Variants in SPINT1 observed in about 807,000 individuals in gnomAD.
SPINT1 encodes the protein kunitz-type protease inhibitor 1.
SPINT1 carries 38 observed loss-of-function variants against 53.7 expected under a neutral mutation model. That is an observed-to-expected ratio of 0.71 (90% CI 0.55 to 0.93). The LOEUF is 0.93. SPINT1 is among the 40% of genes least tolerant of loss of function. The probability of loss-of-function intolerance (pLI) is 0.00; values close to 1 mark genes in which losing one functional copy is unlikely to be tolerated. For missense variants in SPINT1, 645 were observed against 692.9 expected, an observed-to-expected ratio of 0.93 and a Z score of 0.78; for synonymous variants, 283 against 280.6, an observed-to-expected ratio of 1.01 and a Z score of -0.08.
chr15:40,844,487 C>A lies in SPINT1; in HGVS notation c.-65-3C>A. 1 of 1,483,772 alleles carries A rather than the reference C, an allele frequency of 6.7e-7. No individual in the cohort carries two copies. The highest frequency in any genetic ancestry group is 1.1e-5 in the South Asian group (1 of 88,250). The allele number at this position is 1,483,772 out of a possible 1,614,324, so 91.9% of individuals were successfully genotyped here. A position where few individuals can be genotyped will look rare whatever the true frequency, so the allele number is the denominator to read the frequency against. ...CCTCCTCTGTCCCCTCCCTTCTTCT[C>A]AGGTCACCAGCACCCTCGGAACCCA... On this transcript the variant is annotated splice_region_variant and splice_polypyrimidine_tract_variant and intron_variant, in intron 1 of 10. Transcript: ENST00000562057. This position sits in a 1 kb window ranked among gnomAD's most constrained non-coding sequence, Gnocchi z 5.8.
chr15:40,855,996 T>A lies in SPINT1; in HGVS notation c.1222T>A (p.Cys408Ser). 2 of 1,614,210 alleles carry A rather than the reference T, an allele frequency of 1.2e-6. No individual in the cohort carries two copies. The highest frequency in any genetic ancestry group is 1.7e-6 in the Non-Finnish European group (2 of 1,180,040). The part of the protein sequence containing the change: ...EHCARFTYGG[C>S]YGNKNNFEEE... Reference sequence around the variant, plus strand: ...CTGCGCCCGCTTTACCTATGGTGGTTGTTACGGCAACAAGAACAACTTTGA... The same window carrying A: ...CTGCGCCCGCTTTACCTATGGTGGTAGTTACGGCAACAAGAACAACTTTGA... The change falls in exon 9 of 11, where the codon TGT (cysteine) becomes AGT (serine). Residue 408 changes from cysteine (C) to serine (S), a missense_variant. Transcript: ENST00000562057.
At position 40,854,397 on chromosome 15, in the gene SPINT1, T is replaced by C; in HGVS notation, c.941T>C (p.Val314Ala). ...CCTGACCTCCCTTCCACCCGTCCAG[T>C]GTGCTCTGGCACCTGTCAGCCCACC... ...QGPSMERRHP[V>A]CSGTCQPTQF... The change falls in exon 7 of 11, where the codon GTG (valine) becomes GCG (alanine). Residue 314 changes from valine (V) to alanine (A), a missense_variant and splice_region_variant. Val to Ala is a moderately conservative substitution (Grantham distance 64). Transcript: ENST00000562057. 6.3e-7 allele frequency: 1 copy of C among 1,579,046 alleles called. No individual in the cohort carries two copies. Among genetic ancestry groups the C allele is most frequent in the East Asian group, 2.2e-5 (1 of 44,576 alleles).
At position 40,854,197 on chromosome 15, in the gene SPINT1, T is replaced by A. The variant is rs77221247; in HGVS notation, c.940+111T>A. 6.7e-3 allele frequency: 9,379 copies of A among 1,396,060 alleles called. 564 individuals carry two copies. The African/African-American group carries it at 0.12, about 18-fold the overall frequency. 86.5% of individuals were successfully genotyped at this position (1,396,060 alleles called of 1,614,324 possible). ...ACCAAGCCATTCCTCCCCTCAGAGT[T>A]TGTGGAAGGACCACAAACATCCCAC... On this transcript the variant is annotated intron_variant, in intron 6 of 10. Transcript: ENST00000562057.
chr15:40,854,558 AC>A, intron 7 of SPINT1, 36 bp downstream of exon 7: 1 of 1,613,648 alleles, frequency 6.2e-7, no homozygotes, highest in Non-Finnish European at 8.5e-7. Context: ...TGGGCAGCAG[AC>A]AGGGAGGTCC....
In SPINT1 at chr15:40,854,541, AG is replaced by A; in HGVS notation, c.1066+24del. 1 of 1,613,592 alleles carries A rather than the reference AG, an allele frequency of 6.2e-7. No homozygotes were observed. Among genetic ancestry groups the A allele is most frequent in the Non-Finnish European group, 8.5e-7 (1 of 1,179,746 alleles). ...GAAAAATGTGAGGCCTGGGGGATAG[AG>A]GGGGTTGGGCAGCAGACAGGGAGGT... On this transcript the variant is annotated intron_variant, in intron 7 of 10. Transcript: ENST00000562057.
chr15:40,844,594 C>T lies in SPINT1; in HGVS notation c.40C>T (p.Pro14Ser), dbSNP rs1016377118. 1.2e-6 allele frequency: 2 copies of T among 1,609,894 alleles called. No homozygotes were observed. The highest frequency in any genetic ancestry group is 3.3e-5 in the Admixed American group (2 of 59,918). ...GACGATGGCCCGCGCCCGCCTCGCC[C>T]CGGCCGGCATCCCTGCCGTCGCCTT... ...ARTMARARLA[P>S]AGIPAVALWL... Residue 14 changes from proline to serine, a missense_variant, in exon 2 of 11, where the codon CCG becomes TCG. Pro to Ser is a moderately conservative substitution (Grantham distance 74). Coordinates refer to ENST00000562057, the MANE Select transcript of SPINT1 (RefSeq NM_003710.4). This position sits in a 1 kb window ranked among gnomAD's most constrained non-coding sequence, Gnocchi z 5.8.
chr15:40,849,596 A>T (rs1891397445), intron 2 of SPINT1, among the ~76,000 whole-genome samples: 1 of 152,196 alleles, frequency 6.6e-6, no homozygotes. Flanking sequence ...AGCAAAATTT[A>T]AAAACCCAAC....
In SPINT1 at chr15:40,854,621, G is replaced by C; in HGVS notation, c.1067-18G>C. On this transcript the variant is annotated intron_variant, in intron 7 of 10. Coordinates refer to ENST00000562057, the MANE Select transcript of SPINT1 (RefSeq NM_003710.4). The stretch of plus-strand genomic sequence containing the variant: ...AGACCCTTGTTGGGTCTGAGACTCT[G>C]ACCTTTCCTCTCTGCAGACACGAGT... The C allele has an allele frequency of 6.2e-7, 1 of 1,614,206 alleles. No individual in the cohort carries two copies. Among genetic ancestry groups the C allele is most frequent in the Non-Finnish European group, 8.5e-7 (1 of 1,180,040 alleles).
Position 40,854,449 on chromosome 15 carries a change from C to T in SPINT1, c.993C>T (p.Cys331=). The change falls in exon 7 of 11, where the codon TGC becomes TGT. Residue 331 remains cysteine (C), a synonymous_variant. Transcript: ENST00000562057. The stretch of plus-strand genomic sequence containing the variant: ...AGTTCCGCTGCAGCAATGGCTGCTG[C>T]ATCGACAGTTTCCTGGAGTGTGACG... ...PTQFRCSNGC[C]IDSFLECDDT... 3 of 1,613,346 alleles carry T rather than the reference C, an allele frequency of 1.9e-6. No homozygotes were observed. Among genetic ancestry groups the T allele is most frequent in the Non-Finnish European group, 1.7e-6 (2 of 1,179,748 alleles).
chr15:40,854,933 T>C (rs555727815), intron 8 of SPINT1, among the ~76,000 whole-genome samples: 2 of 152,344 alleles, frequency 1.3e-5, no homozygotes, highest in South Asian at 2.1e-4. Flanking sequence ...ACTTCAGCCA[T>C]GTCCACCACA....
intron 6 of SPINT1, 142 bp from the exon 7 acceptor site, chr15:40,854,255 T>C: frequency 7.2e-7 from 1 of 1,397,596 alleles, no homozygotes; most frequent in South Asian, 1.4e-5. Flanking sequence ...TATGAGGATC[T>C]GCCCAGTTTG....
Position 40,845,055 on chromosome 15 carries a change from G to A in SPINT1, c.475+26G>A, listed in dbSNP as rs750828679. 9 of 1,556,446 alleles carry A rather than the reference G, an allele frequency of 5.8e-6. No individual in the cohort carries two copies. The Admixed American group carries it at 7.3e-5, about 13-fold the overall frequency. On this transcript the variant is annotated intron_variant, in intron 2 of 10. Transcript: ENST00000562057. ...GTGAGGAGGGTGCCAAGATGGATGG[G>A]TTTGGAGAGACTCAAAAAAGGGACT...
chr15:40,855,453 CTT>C (rs1566857862), intron 8 of SPINT1, among the ~76,000 whole-genome samples: 1 of 148,936 alleles, frequency 6.7e-6, no homozygotes, highest in Admixed American at 6.7e-5. Flanking sequence ...GGCCCATCCT[CTT>C]TTTTAAGAAA....
intron 3 of SPINT1, 54 bp from the exon 4 acceptor site, chr15:40,853,435 G>T (rs1891522878): frequency 6.2e-7 from 1 of 1,613,480 alleles, no homozygotes; most frequent in Admixed American, 1.7e-5. Context: ...CAGGCCTGGG[G>T]CAGCCCAAGG....
chr15:40,857,079 C>T lies in SPINT1; in HGVS notation c.*104C>T. ...ACCAGACTCTTGCCTGTTTCCCAGG[C>T]CCACTGTGCCTCAGAGACCAGGGCT... is the stretch of plus-strand genomic sequence containing the variant. On this transcript the variant is annotated 3_prime_UTR_variant, in exon 11 of 11. Transcript: ENST00000562057. 1.4e-6 allele frequency: 2 copies of T among 1,439,172 alleles called. No individual in the cohort carries two copies. Among genetic ancestry groups the T allele is most frequent in the African/African-American group, 1.4e-5 (1 of 70,794 alleles). 89.2% of individuals were successfully genotyped at this position (1,439,172 alleles called of 1,614,324 possible). A position where few individuals can be genotyped will look rare whatever the true frequency, so the allele number is the denominator to read the frequency against.
At chr15:40,845,921 G>A (rs1310308992) in intron 2 of SPINT1, among the ~76,000 whole-genome samples, 1 of 152,208 alleles carries the variant, frequency 6.6e-6, no homozygotes, top group Non-Finnish European at 1.5e-5. Flanking sequence ...GGTGGTCCAG[G>A]AAGACTGCCA....
rs771690847 is a variant in SPINT1 at position 40,856,921 on chromosome 15, C to T, written c.1488C>T (p.Ser496=). ...CCACCCCTGCCAGCTCCACTGTCTC[C>T]ACTACCGAGGACACGGAGCACCTGG... ...PPPTPASSTV[S]TTEDTEHLVY... Residue 496 remains serine, a synonymous_variant, in exon 11 of 11, where the codon TCC becomes TCT. Transcript: ENST00000562057. 1.4e-5 allele frequency: 22 copies of T among 1,614,220 alleles called. No individual in the cohort carries two copies. In the Admixed American group the frequency reaches 3.5e-4, roughly 26 times the overall value.
chr15:40,853,591 G>T lies in SPINT1; in HGVS notation c.706G>T (p.Val236Phe), dbSNP rs772850260. The change falls in exon 4 of 11, where the codon GTC (valine) becomes TTC (phenylalanine). Residue 236 changes from valine (V) to phenylalanine (F), a missense_variant. Transcript: ENST00000562057. ...SSDHPEDTAN[V>F]TVTVLSTKQT... Reference sequence around the variant, plus strand: ...AGACCACCCAGAGGACACGGCCAACGTCACAGTCACTGTGCTGTCCACCAA... The same window carrying T: ...AGACCACCCAGAGGACACGGCCAACTTCACAGTCACTGTGCTGTCCACCAA... 1 of 1,613,976 alleles carries T rather than the reference G, an allele frequency of 6.2e-7. No homozygotes were observed. Among genetic ancestry groups the T allele is most frequent in the Non-Finnish European group, 8.5e-7 (1 of 1,179,926 alleles).
At chr15:40,853,286 G>C in intron 3 of SPINT1, 35 bp downstream of exon 3, 1 of 1,613,068 alleles carries the variant, frequency 6.2e-7, no homozygotes, top group Non-Finnish European at 8.5e-7. Flanking sequence ...CCCGCCCTCT[G>C]CCTGCCAGCC....
Sources: allele counts gnomAD v4.1 joint callset (sites outside exome capture counted in the v4.1 genomes callset), GRCh38; gene constraint gnomAD v4.1.1; non-coding constraint Gnocchi (gnomAD v3.1); transcripts MANE v1.5; gene names NCBI Gene and HGNC (gene_info 2026-07-23, HGNC 2026-07-21).